CCDC170: variants seen among roughly 807,000 people sequenced by gnomAD.
The protein encoded by CCDC170 is coiled-coil domain containing 170.
In CCDC170, 69 loss-of-function variants were observed where a neutral mutation model predicts 72.6. The observed-to-expected ratio is 0.95, with a 90% CI of 0.78 to 1.16. The LOEUF (loss-of-function observed/expected upper bound fraction) is 1.16, where lower values mean the gene tolerates loss of function less well. Among genes scored for constraint, CCDC170 ranks in the 50% most tolerant of loss-of-function variants. The pLI is 0.00. For missense variants in CCDC170, 852 were observed against 832.5 expected (o/e 1.02, Z -0.29); for synonymous variants, 300 against 303.9 (o/e 0.99, Z 0.13).
chr6:151,544,798 T>C (rs1046563543), intron 4 of CCDC170, 82 bp downstream of exon 4: 4 of 1,441,524 alleles, frequency 2.8e-6, no homozygotes, highest in South Asian at 1.3e-5. Context: ...GTGGTTGAGT[T>C]TGGGGGTGGC....
intron 1 of CCDC170, among the ~76,000 whole-genome samples, chr6:151,505,419 C>T (rs1782052244): frequency 6.6e-6 from 1 of 151,840 alleles, no homozygotes; most frequent in African/African-American, 2.4e-5. Context: ...CGTGGTGGCT[C>T]ATGCCTGTAA....
chr6:151,526,119 TCTTC>T (rs1235340385), intron 1 of CCDC170, among the ~76,000 whole-genome samples: 13 of 138,936 alleles, frequency 9.4e-5, no homozygotes, highest in East Asian at 4.1e-4. Flanking sequence ...TTCCTTCCTT[TCTTC>T]CTTCCTTCCT....
At chr6:151,526,082 TC>T (rs1256587545) in intron 1 of CCDC170, among the ~76,000 whole-genome samples, 1 of 146,610 alleles carries the variant, frequency 6.8e-6, no homozygotes, top group Non-Finnish European at 1.5e-5. Context: ...CTTCCTTCCT[TC>T]CTTCCTTCCT....
intron 3 of CCDC170, among the ~76,000 whole-genome samples, chr6:151,541,679 T>A (rs1253087794): frequency 6.6e-6 from 1 of 151,684 alleles, no homozygotes; most frequent in South Asian, 2.1e-4. Context: ...AAGAAGAAAT[T>A]AATAATTACT....
At chr6:151,558,838 G>T (rs1783029988) in intron 5 of CCDC170, among the ~76,000 whole-genome samples, 1 of 152,020 alleles carries the variant, frequency 6.6e-6, no homozygotes. Context: ...GATGCCTTCA[G>T]CTTTGTTCTT....
At chr6:151,615,390 A>C (rs1776946449) in intron 9 of CCDC170, 53 bp from the exon 10 acceptor site, 3 of 1,239,188 alleles carry the variant, frequency 2.4e-6, no homozygotes, top group Non-Finnish European at 3.5e-6. Context: ...ATGTTTATAC[A>C]GTTTTCCTAA....
Position 151,596,418 on chromosome 6 carries a change from G to A in CCDC170, c.1551G>A (p.Glu517=), listed in dbSNP as rs1776624626. 6.2e-7 allele frequency: 1 copy of A among 1,614,170 alleles called. No homozygotes were observed. Among genetic ancestry groups the A allele is most frequent in the Non-Finnish European group, 8.5e-7 (1 of 1,180,030 alleles). Residue 517 remains glutamate (E), a synonymous_variant, in exon 9 of 11, where the codon GAG becomes GAA. Transcript: ENST00000239374. ...AGAAAATAGCCCAGCTGGAGGAGGA[G>A]AAGCAGGCACGCACGGCCTTGGTGG... ...LRQKIAQLEE[E]KQARTALVVE... is the part of the protein sequence containing the mutation.
intron 6 of CCDC170, among the ~76,000 whole-genome samples, chr6:151,582,909 TG>T (rs1776398020): frequency 6.6e-6 from 1 of 151,828 alleles, no homozygotes; most frequent in South Asian, 2.1e-4. Flanking sequence ...CACCTCCAAC[TG>T]TGAGGATCAA....
At chr6:151,576,639 T>C (rs946812755) in intron 6 of CCDC170, among the ~76,000 whole-genome samples, 2 of 152,176 alleles carry the variant, frequency 1.3e-5, no homozygotes, top group African/African-American at 4.8e-5. Flanking sequence ...ATTCCTACCC[T>C]GTAATTTTTT....
At chr6:151,569,499 G>T (rs570964846) in intron 5 of CCDC170, among the ~76,000 whole-genome samples, 3 of 152,254 alleles carry the variant, frequency 2.0e-5, no homozygotes, top group Non-Finnish European at 4.4e-5. Context: ...ACAGTCTATA[G>T]GGCCTGCCCT....
At chr6:151,534,745 G>C (rs1432775926) in intron 1 of CCDC170, among the ~76,000 whole-genome samples, 1 of 152,188 alleles carries the variant, frequency 6.6e-6, no homozygotes, top group African/African-American at 2.4e-5. Flanking sequence ...AATCACACTG[G>C]TCATGACGCT....
At chr6:151,599,312 C>T (rs1342708923) in intron 9 of CCDC170, among the ~76,000 whole-genome samples, 1 of 152,172 alleles carries the variant, frequency 6.6e-6, no homozygotes, top group Admixed American at 6.5e-5. Context: ...ACTGAAAAAT[C>T]AAACAGTCTT....
At chr6:151,590,778 G>A (rs906806088) in intron 7 of CCDC170, among the ~76,000 whole-genome samples, 5 of 152,096 alleles carry the variant, frequency 3.3e-5, no homozygotes, top group African/African-American at 1.2e-4. Context: ...CTTTTTGCCT[G>A]TTGTAGTCCT....
chr6:151,599,977 A>G (rs75175496), intron 9 of CCDC170, among the ~76,000 whole-genome samples: 8,729 of 152,268 alleles, frequency 0.057, 305 homozygotes, highest in South Asian at 0.096. Context: ...ACTTTTACAG[A>G]TAAGATAATA....
intron 1 of CCDC170, among the ~76,000 whole-genome samples, chr6:151,500,215 G>GTTT (rs71887705): frequency 7.5e-6 from 1 of 134,206 alleles, no homozygotes; most frequent in African/African-American, 2.7e-5. Context: ...GGTTTGCTCT[G>GTTT]TTTTTTTTTT....
At chr6:151,577,507 GC>G (rs1310268710) in intron 6 of CCDC170, among the ~76,000 whole-genome samples, 1 of 152,148 alleles carries the variant, frequency 6.6e-6, no homozygotes, top group African/African-American at 2.4e-5. Context: ...GAATTTTGAG[GC>G]AATTTTGTTT....
At chr6:151,567,677 A>G (rs1776157019) in intron 5 of CCDC170, among the ~76,000 whole-genome samples, 1 of 152,252 alleles carries the variant, frequency 6.6e-6, no homozygotes, top group Non-Finnish European at 1.5e-5. Context: ...ATACTTATTT[A>G]GATTATAGTT....
intron 9 of CCDC170, among the ~76,000 whole-genome samples, chr6:151,611,944 C>T (rs1326843408): frequency 2.0e-5 from 3 of 152,102 alleles, no homozygotes; most frequent in East Asian, 1.9e-4. Context: ...CTCCTGACCT[C>T]GTGATCCACC....
intron 1 of CCDC170, among the ~76,000 whole-genome samples, chr6:151,535,286 A>C (rs938265981): frequency 9.8e-5 from 15 of 152,328 alleles, no homozygotes; most frequent in African/African-American, 3.4e-4. Flanking sequence ...TGGTTTGGCC[A>C]GGCTGGAAAT....
Sources: allele counts gnomAD v4.1 joint callset (sites outside exome capture counted in the v4.1 genomes callset), GRCh38; gene constraint gnomAD v4.1.1; transcripts MANE v1.5; gene names NCBI Gene and HGNC (gene_info 2026-07-23, HGNC 2026-07-21).